PSMD1: variants seen among roughly 807,000 people sequenced by gnomAD.
The protein encoded by PSMD1 is 26S proteasome non-ATPase regulatory subunit 1.
Under a neutral mutation model 119.0 loss-of-function variants are expected in PSMD1, and 18 were observed. The ratio of observed to expected loss-of-function variants is 0.15; its 90% CI spans 0.10 to 0.22. The LOEUF (loss-of-function observed/expected upper bound fraction) is 0.22. PSMD1 is among the 10% of genes least tolerant of loss of function. PSMD1 has a pLI of 1.00. For missense variants in PSMD1, 702 were observed against 1,158.5 expected, an observed-to-expected ratio of 0.61 and a Z score of 5.72; for synonymous variants, 374 against 396.6, an observed-to-expected ratio of 0.94 and a Z score of 0.68.
In PSMD1 at chr2:231,137,536, CT is replaced by C. The variant is rs368828963; in HGVS notation, c.1884-1192del. ...AGAGCCTAGTTTCTTTTTTTTCTTT[CT>C]TTTTTTTGTAATTTCAACTTTTATC... On this transcript the variant is annotated intron_variant, in intron 16 of 24. Transcript: ENST00000308696. 4.5e-3 allele frequency among the ~76,000 whole-genome samples: 680 copies of C among 151,736 alleles called. 2 individuals are homozygous for C. Among genetic ancestry groups the C allele is most frequent in the Middle Eastern group, 0.01 (3 of 294 alleles).
At chr2:231,085,479 A>G (rs1694409489) in intron 15 of PSMD1, among the ~76,000 whole-genome samples, 1 of 152,212 alleles carries the variant, frequency 6.6e-6, no homozygotes. Flanking sequence ...TTCTTTTTAC[A>G]GCCGGTAGAG....
chr2:231,139,620 A>G (rs1696059255), intron 17 of PSMD1, among the ~76,000 whole-genome samples: 1 of 151,654 alleles, frequency 6.6e-6, no homozygotes, highest in Admixed American at 6.6e-5. Flanking sequence ...TTGTTGTTAA[A>G]TAACTACTCA....
In PSMD1 at chr2:231,066,974, C is replaced by A. The variant is rs201274207; in HGVS notation, c.373C>A (p.Pro125Thr). Residue 125 changes from proline to threonine, a missense_variant, in exon 5 of 25, where the codon CCA becomes ACA. Pro to Thr is a conservative substitution (Grantham distance 38). Around this residue, in one of 9 missense-constraint regions of PSMD1, gnomAD observed 50 missense variants for 41.8 expected, o/e 1.20. Transcript: ENST00000308696. Reference sequence around the variant, plus strand: ...AGATTTGCCTGAAGGAGAAAAAAAACCAATTGACCAGAGATTGGAAGGCAT... The same window carrying A: ...AGATTTGCCTGAAGGAGAAAAAAAAACAATTGACCAGAGATTGGAAGGCAT... ...NADLPEGEKK[P>T]IDQRLEGIVN... is the part of the protein sequence containing the mutation. 74 of 1,612,822 alleles carry A rather than the reference C, an allele frequency of 4.6e-5. 1 individual carries two copies. Among genetic ancestry groups the A allele is most frequent in the South Asian group, 2.4e-4 (22 of 90,830 alleles).
At chr2:231,094,182 G>C (rs1322255122) in intron 16 of PSMD1, among the ~76,000 whole-genome samples, 3 of 152,092 alleles carry the variant, frequency 2.0e-5, no homozygotes, top group Non-Finnish European at 2.9e-5. Flanking sequence ...AAGGAGGGGA[G>C]GTGCCTGTGA....
chr2:231,123,828 G>A (rs1185854227), intron 16 of PSMD1: 1 of 1,251,106 alleles, frequency 8.0e-7, no homozygotes. Context: ...TAGCTAAGCT[G>A]CTCATCTGTT....
intron 8 of PSMD1, among the ~76,000 whole-genome samples, chr2:231,076,534 G>T (rs1694171488): frequency 6.6e-6 from 1 of 152,168 alleles, no homozygotes; most frequent in Non-Finnish European, 1.5e-5. Flanking sequence ...GAGCGTGGTG[G>T]CACACGCCTT....
intron 2 of PSMD1, among the ~76,000 whole-genome samples, chr2:231,061,915 G>C (rs552701944): frequency 6.6e-6 from 1 of 152,140 alleles, no homozygotes; most frequent in Non-Finnish European, 1.5e-5. Context: ...ACAAAAAGTT[G>C]TTGCTTCTGT....
chr2:231,162,853 GA>G (rs1696673704), intron 20 of PSMD1, among the ~76,000 whole-genome samples: 1 of 148,558 alleles, frequency 6.7e-6, no homozygotes, highest in African/African-American at 2.5e-5. Flanking sequence ...AAGAAAGAAA[GA>G]AAGGAAGCCG....
At chr2:231,101,361 A>T (rs1694863225) in intron 16 of PSMD1, among the ~76,000 whole-genome samples, 1 of 152,174 alleles carries the variant, frequency 6.6e-6, no homozygotes, top group South Asian at 2.1e-4. Context: ...CCTTCCAGAA[A>T]GGTTTGCATC....
At chr2:231,118,632 G>C (rs1412924470) in intron 16 of PSMD1, among the ~76,000 whole-genome samples, 2 of 152,066 alleles carry the variant, frequency 1.3e-5, no homozygotes, top group East Asian at 1.9e-4. Flanking sequence ...AACCTGAGGA[G>C]TTTTACTAGA....
At chr2:231,091,439 A>G (rs1412932647) in intron 16 of PSMD1, among the ~76,000 whole-genome samples, 3 of 152,066 alleles carry the variant, frequency 2.0e-5, no homozygotes, top group African/African-American at 4.8e-5. Context: ...AACTTTTCCC[A>G]CCACCCTGAC....
intron 16 of PSMD1, chr2:231,133,545 A>G (rs1695897640): frequency 6.6e-6 from 1 of 152,048 alleles, no homozygotes; most frequent in African/African-American, 2.4e-5. Context: ...GGATGAGCTG[A>G]CCCCTTGATG....
intron 16 of PSMD1, among the ~76,000 whole-genome samples, chr2:231,094,849 A>G (rs1313728646): frequency 1.3e-5 from 2 of 152,226 alleles, no homozygotes; most frequent in Admixed American, 1.3e-4. Context: ...GATAAGGGCA[A>G]TACTGCTTTG....
At chr2:231,146,467 A>C (rs1326133737) in intron 18 of PSMD1, 111 bp downstream of exon 18, 2 of 744,998 alleles carry the variant, frequency 2.7e-6, no homozygotes, top group Non-Finnish European at 2.3e-6. Context: ...ACTGAAAGTA[A>C]AGTAAAAGTA....
At chr2:231,071,792 AAC>A (rs1485583739) in intron 6 of PSMD1, among the ~76,000 whole-genome samples, 1 of 152,194 alleles carries the variant, frequency 6.6e-6, no homozygotes, top group African/African-American at 2.4e-5. Context: ...GTCCTGGCCC[AAC>A]ACAACACAAT....
chr2:231,106,922 T>C (rs765626473), intron 16 of PSMD1, among the ~76,000 whole-genome samples: 55 of 152,116 alleles, frequency 3.6e-4, no homozygotes, highest in African/African-American at 1.3e-3. Context: ...AAACTTAATC[T>C]CAACATACCT....
intron 18 of PSMD1, among the ~76,000 whole-genome samples, chr2:231,151,802 A>AT (rs1559251249): frequency 1.5e-5 from 2 of 133,126 alleles, no homozygotes; most frequent in Non-Finnish European, 1.6e-5. Flanking sequence ...CAAACATGAG[A>AT]ATTTTTTTTT....
chr2:231,072,436 A>C (rs1229636513), intron 7 of PSMD1, 21 bp downstream of exon 7: 2 of 1,526,380 alleles, frequency 1.3e-6, no homozygotes, highest in Non-Finnish European at 9.1e-7. Flanking sequence ...CTTTTTCTGC[A>C]TCAAAACTAA....
At position 231,087,155 on chromosome 2, in the gene PSMD1, A is replaced by G. The variant is rs761981850; in HGVS notation, c.1857A>G (p.Val619=). 2.5e-6 allele frequency: 4 copies of G among 1,613,706 alleles called. No homozygotes were observed. In the East Asian group the frequency reaches 6.7e-5, roughly 27 times the overall value. ...DVNDDVRRAA[V]ESLGFILFRT... ...ATGATGATGTCAGGAGGGCAGCAGTAGAATCACTTGGGTTCATTCTATTCA... is the reference window on the plus strand; with the variant it reads ...ATGATGATGTCAGGAGGGCAGCAGTGGAATCACTTGGGTTCATTCTATTCA... The change falls in exon 16 of 25, where the codon GTA becomes GTG. Residue 619 remains valine (V), a synonymous_variant. Transcript: ENST00000308696.
Sources: gnomAD v4.1 joint callset for allele counts (sites outside exome capture counted in the v4.1 genomes callset) on GRCh38, gnomAD v4.1.1 for gene constraint, gnomAD v4.1.1 regional missense constraint, MANE v1.5 for transcripts, NCBI Gene and HGNC (gene_info 2026-07-23, HGNC 2026-07-21) for gene names.